TLK1: variants seen among roughly 807,000 people sequenced by gnomAD.
TLK1 encodes serine/threonine-protein kinase tousled-like 1.
Under a neutral mutation model 105.3 loss-of-function variants are expected in TLK1, and 24 were observed. The ratio of observed to expected loss-of-function variants is 0.23; its 90% CI spans 0.17 to 0.32. The LOEUF (loss-of-function observed/expected upper bound fraction) is 0.32. TLK1 is among the 10% of genes least tolerant of loss of function. TLK1 has a pLI of 1.00. For synonymous variants in TLK1, 321 were observed against 310.4 expected (o/e 1.03, Z -0.36); for missense variants, 558 against 910.5 (o/e 0.61, Z 4.98).
chr2:171,021,433 CTTTTTTTTTTTTTTTTTTTTT>C (rs531522490), intron 12 of TLK1, among the ~76,000 whole-genome samples: 13 of 116,818 alleles, frequency 1.1e-4, no homozygotes, highest in African/African-American at 1.0e-4. Context: ...CCCGCCCCGA[CTTTTTTTTTTTTTTTTTTTTT>C]TTTTTTTTTT....
At chr2:171,201,709 A>C (rs1693400691) in intron 1 of TLK1, among the ~76,000 whole-genome samples, 1 of 152,122 alleles carries the variant, frequency 6.6e-6, no homozygotes, top group African/African-American at 2.4e-5. Flanking sequence ...GGATTCTTTC[A>C]CTTAAAGTTT....
At chr2:171,204,588 G>A (rs1263025528) in intron 1 of TLK1, among the ~76,000 whole-genome samples, 3 of 151,276 alleles carry the variant, frequency 2.0e-5, no homozygotes, top group African/African-American at 7.3e-5. Flanking sequence ...ATGGCTAATT[G>A]AAATGATATA....
At chr2:171,020,385 T>C (rs1029690142) in intron 12 of TLK1, among the ~76,000 whole-genome samples, 2 of 151,674 alleles carry the variant, frequency 1.3e-5, no homozygotes, top group East Asian at 3.9e-4. Flanking sequence ...ACTAAAAATA[T>C]ATAAATTAGC....
intron 2 of TLK1, 35 bp from the exon 3 acceptor site, chr2:171,082,887 G>T (rs751049171): frequency 4.1e-6 from 6 of 1,467,190 alleles, no homozygotes; most frequent in Non-Finnish European, 5.6e-6. Context: ...AAAATTAGGA[G>T]TAATTTTTTT....
chr2:171,160,552 GGA>G lies in TLK1; in HGVS notation c.-126_-125del, dbSNP rs1358548221. On this transcript the variant is annotated 5_prime_UTR_variant, in exon 1 of 21. Transcript: ENST00000431350. The surrounding 1 kb of genome is among the most constrained non-coding windows in gnomAD (Gnocchi z 4.4). The stretch of plus-strand genomic sequence containing the variant: ...GAGCGAGAGAGCGAGGGCTGGGAGG[GGA>G]GAGTCAAGGGGATGGGGGAGGAAAC... 1.4e-5 allele frequency: 21 copies of G among 1,520,440 alleles called. No individual in the cohort carries two copies. The African/African-American group carries it at 3.0e-4, about 22-fold the overall frequency. 94.2% of individuals were successfully genotyped at this position (1,520,440 alleles called of 1,614,324 possible).
chr2:171,022,407 C>T (rs1233077542), intron 12 of TLK1, among the ~76,000 whole-genome samples: 2 of 151,956 alleles, frequency 1.3e-5, no homozygotes, highest in Non-Finnish European at 2.9e-5. Flanking sequence ...CAGCACTCTT[C>T]TTGGCACCTT....
At chr2:171,216,712 T>C (rs769527956) in intron 1 of TLK1, among the ~76,000 whole-genome samples, 7 of 152,166 alleles carry the variant, frequency 4.6e-5, no homozygotes, top group Non-Finnish European at 1.0e-4. Flanking sequence ...GAGCTCATAC[T>C]GGAGTACTGT....
intron 2 of TLK1, among the ~76,000 whole-genome samples, chr2:171,110,431 T>C (rs190930412): frequency 6.6e-6 from 1 of 152,226 alleles, no homozygotes; most frequent in Non-Finnish European, 1.5e-5. Flanking sequence ...GTTGTGCCAC[T>C]GCACTCCAGT....
At chr2:171,092,965 T>C (rs1448321123) in intron 2 of TLK1, among the ~76,000 whole-genome samples, 1 of 152,082 alleles carries the variant, frequency 6.6e-6, no homozygotes, top group Non-Finnish European at 1.5e-5. Flanking sequence ...GCTAAGAACA[T>C]AATATTAAAG....
At chr2:170,994,098 T>C in intron 20 of TLK1, 142 bp from the exon 21 acceptor site, 3 of 894,534 alleles carry the variant, frequency 3.4e-6, no homozygotes, top group East Asian at 3.2e-5. Flanking sequence ...AAAAAAAAAA[T>C]TCTGTAGCTA....
At chr2:171,218,824 C>T (rs1693759253) in intron 1 of TLK1, among the ~76,000 whole-genome samples, 2 of 152,186 alleles carry the variant, frequency 1.3e-5, no homozygotes, top group Non-Finnish European at 2.9e-5. Flanking sequence ...CTCCTAAAGG[C>T]CCTACCTCTT....
At chr2:171,226,104 C>T (rs1693892727) in intron 1 of TLK1, among the ~76,000 whole-genome samples, 1 of 152,008 alleles carries the variant, frequency 6.6e-6, no homozygotes, top group South Asian at 2.1e-4. Flanking sequence ...CCCAAGGAAA[C>T]AAATTGCATG....
At chr2:170,994,665 A>G (rs1683966923) in intron 20 of TLK1, 1 of 516,662 alleles carries the variant, frequency 1.9e-6, no homozygotes, top group South Asian at 1.4e-5. Context: ...GAACCTCTGA[A>G]TCCCCCTCAT....
At chr2:171,109,444 G>A (rs891089152) in intron 2 of TLK1, among the ~76,000 whole-genome samples, 4 of 152,256 alleles carry the variant, frequency 2.6e-5, no homozygotes, top group African/African-American at 7.2e-5. Flanking sequence ...AGTTCCTGGA[G>A]GGACAGCATT....
At chr2:171,153,038 T>C (rs1394675837) in intron 1 of TLK1, among the ~76,000 whole-genome samples, 1 of 152,038 alleles carries the variant, frequency 6.6e-6, no homozygotes, top group South Asian at 2.1e-4. Flanking sequence ...CAAAAAAAAG[T>C]TAACAAAAGT....
intron 2 of TLK1, among the ~76,000 whole-genome samples, chr2:171,109,987 AG>A (rs1402542818): frequency 6.6e-6 from 1 of 152,198 alleles, no homozygotes; most frequent in Admixed American, 6.5e-5. Flanking sequence ...GTTTGACAAG[AG>A]GGAACTGACT....
chr2:171,118,856 T>C (rs1405694062), intron 1 of TLK1, among the ~76,000 whole-genome samples: 2 of 152,172 alleles, frequency 1.3e-5, no homozygotes, highest in Non-Finnish European at 2.9e-5. Context: ...ATCTTATCTT[T>C]TGAAATTCCC....
chr2:170,996,065 A>G (rs1684045534), intron 20 of TLK1, among the ~76,000 whole-genome samples: 1 of 151,504 alleles, frequency 6.6e-6, no homozygotes, highest in Admixed American at 6.6e-5. Flanking sequence ...CGGTATCGTC[A>G]TGGCTCACTG....
chr2:171,015,059 A>T (rs535026781), intron 12 of TLK1, 111 bp from the exon 13 acceptor site: 1 of 801,016 alleles, frequency 1.2e-6, no homozygotes, highest in East Asian at 2.5e-5. Context: ...AGTATATTAT[A>T]AAGTACCACC....
Sources: gnomAD v4.1 joint callset for allele counts (sites outside exome capture counted in the v4.1 genomes callset) on GRCh38, gnomAD v4.1.1 for gene constraint, Gnocchi (gnomAD v3.1) non-coding constraint, MANE v1.5 for transcripts, NCBI Gene and HGNC (gene_info 2026-07-23, HGNC 2026-07-21) for gene names.